Variants in ANO3 observed in about 807,000 individuals in gnomAD.
ANO3 encodes the protein anoctamin-3.
ANO3 carries 99 observed loss-of-function variants against 144.8 expected under a neutral mutation model. That is an observed-to-expected ratio of 0.68 (90% CI 0.58 to 0.81). The LOEUF (loss-of-function observed/expected upper bound fraction) is 0.81, where lower values mean the gene tolerates loss of function less well. ANO3 is among the 30% of genes least tolerant of loss of function. The pLI is 0.00. For synonymous variants in ANO3, 414 were observed against 392.6 expected, an observed-to-expected ratio of 1.05 and a Z score of -0.64; for missense variants, 905 against 1,202.2, an observed-to-expected ratio of 0.75 and a Z score of 3.66.
intron 14 of ANO3, among the ~76,000 whole-genome samples, chr11:26,590,117 C>T (rs181574762): frequency 6.6e-6 from 1 of 152,230 alleles, no homozygotes; most frequent in African/African-American, 2.4e-5. Context: ...AAGGATACAA[C>T]GTTTAGAACC....
intron 5 of ANO3, among the ~76,000 whole-genome samples, chr11:26,509,823 C>T (rs1260739038): frequency 6.6e-6 from 1 of 152,104 alleles, no homozygotes; most frequent in East Asian, 1.9e-4. Context: ...AAGTACTAAA[C>T]TGTAGTTTGG....
At chr11:26,258,293 T>C (rs906842549) in intron 1 of ANO3, among the ~76,000 whole-genome samples, 14 of 152,158 alleles carry the variant, frequency 9.2e-5, no homozygotes, top group African/African-American at 3.4e-4. Context: ...TTAACAGTCT[T>C]ATTGAACAAA....
At chr11:26,603,594 GTTAT>G (rs1168380387) in intron 17 of ANO3, among the ~76,000 whole-genome samples, 1 of 152,032 alleles carries the variant, frequency 6.6e-6, no homozygotes, top group African/African-American at 2.4e-5. Context: ...CTCTTTGAAT[GTTAT>G]TTAAGAACAT....
intron 10 of ANO3, among the ~76,000 whole-genome samples, chr11:26,540,787 C>T (rs1849622831): frequency 6.6e-6 from 1 of 152,074 alleles, no homozygotes; most frequent in Admixed American, 6.6e-5. Context: ...ATTAAAAAGT[C>T]AGGAAACAAC....
chr11:26,235,084 A>G (rs1344237215), intron 1 of ANO3, among the ~76,000 whole-genome samples: 2 of 151,662 alleles, frequency 1.3e-5, no homozygotes. Flanking sequence ...TGTTGGGGCC[A>G]GCAATGGATT....
chr11:26,276,313 G>A (rs939345460), intron 1 of ANO3, among the ~76,000 whole-genome samples: 18 of 152,098 alleles, frequency 1.2e-4, no homozygotes, highest in African/African-American at 4.1e-4. Context: ...GAAGATCTGG[G>A]AAAGAACTCA....
intron 4 of ANO3, among the ~76,000 whole-genome samples, chr11:26,468,003 T>C (rs529699449): frequency 6.6e-6 from 1 of 152,008 alleles, no homozygotes; most frequent in South Asian, 2.1e-4. Flanking sequence ...TTCATGAATA[T>C]GGAGAACACT....
chr11:26,344,250 T>C (rs1280587743), intron 1 of ANO3, among the ~76,000 whole-genome samples: 3 of 152,204 alleles, frequency 2.0e-5, no homozygotes, highest in African/African-American at 7.2e-5. Context: ...TTTCACCATT[T>C]TTTATGCATC....
chr11:26,223,611 A>C (rs1306180872), intron 1 of ANO3, among the ~76,000 whole-genome samples: 1 of 150,620 alleles, frequency 6.6e-6, no homozygotes, highest in Non-Finnish European at 1.5e-5. Context: ...ATAAAAAAAA[A>C]AAAAAAAAAA....
At chr11:26,360,702 T>A (rs1025037728) in intron 1 of ANO3, among the ~76,000 whole-genome samples, 1 of 152,216 alleles carries the variant, frequency 6.6e-6, no homozygotes, top group African/African-American at 2.4e-5. Flanking sequence ...CCTCTCTGCA[T>A]GTTTTTATTC....
In ANO3 at chr11:26,541,062, A is replaced by C. The variant is rs187911749; in HGVS notation, c.1033-885A>C. Reference sequence around the variant, plus strand: ...GAACCAATCCAAATGCCCATCAATGATAGACTGGATAAAGAAAATGTGACA... The same window carrying C: ...GAACCAATCCAAATGCCCATCAATGCTAGACTGGATAAAGAAAATGTGACA... On this transcript the variant is annotated intron_variant, in intron 10 of 26. Coordinates refer to ENST00000256737, the MANE Select transcript of ANO3 (RefSeq NM_031418.4). Among the ~76,000 whole-genome samples the C allele has an allele frequency of 1.1e-3, 175 of 152,308 alleles. 1 individual carries two copies. In the East Asian group the frequency reaches 0.032, roughly 28 times the overall value.
At chr11:26,209,481 T>A (rs1040550723) in intron 1 of ANO3, among the ~76,000 whole-genome samples, 1 of 152,232 alleles carries the variant, frequency 6.6e-6, no homozygotes, top group Non-Finnish European at 1.5e-5. Flanking sequence ...TATAGTAGAA[T>A]GATTTATGAT....
intron 1 of ANO3, among the ~76,000 whole-genome samples, chr11:26,310,840 A>G (rs1854487495): frequency 1.3e-5 from 2 of 152,226 alleles, no homozygotes; most frequent in Admixed American, 1.3e-4. Context: ...CCAAAGTCAG[A>G]TTTCGGAGAC....
At chr11:26,611,370 T>A (rs1026639311) in intron 17 of ANO3, among the ~76,000 whole-genome samples, 1 of 152,184 alleles carries the variant, frequency 6.6e-6, no homozygotes, top group Non-Finnish European at 1.5e-5. Context: ...TTCATTGAAT[T>A]ATTCGTTATT....
chr11:26,639,439 A>G (rs1400466598), intron 21 of ANO3, among the ~76,000 whole-genome samples, 198 bp downstream of exon 21: 1 of 152,218 alleles, frequency 6.6e-6, no homozygotes, highest in African/African-American at 2.4e-5. Context: ...TGTATCAACA[A>G]TATATCTACC....
At position 26,525,672 on chromosome 11, in the gene ANO3, A is replaced by G. The variant is rs774120335; in HGVS notation, c.730A>G (p.Met244Val). ...TTACACTGACGGGAGGAGCAAATCA[A>G]TGGGCAGGTTGGTGGGTGATGAATC... ...CYYTDGRSKS[M>V]GRMQTYFRRI... is the part of the protein sequence containing the mutation. Residue 244 changes from methionine to valine, a missense_variant, in exon 7 of 27, where the codon ATG becomes GTG. Met to Val is a conservative substitution (Grantham distance 21, BLOSUM62 1). Transcript: ENST00000256737. The G allele has an allele frequency of 3.7e-6, 6 of 1,610,222 alleles. No homozygotes were observed. The highest frequency in any genetic ancestry group is 4.5e-5 in the East Asian group (2 of 44,654).
chr11:26,634,264 A>G lies in ANO3; in HGVS notation c.1934A>G (p.Gln645Arg). ...NSFALKMFLFQFVNLNSSIFY... is the reference protein window; with the variant it reads ...NSFALKMFLFRFVNLNSSIFY... ...TTCGCCCTGAAGATGTTCCTCTTCC[A>G]GTTTGTCAATTTAAACAGTTCCATC... Residue 645 changes from glutamine to arginine, a missense_variant, in exon 19 of 27, where the codon CAG (glutamine) becomes CGG (arginine). Gln to Arg is a conservative substitution (Grantham distance 43). Transcript: ENST00000256737. 1 of 1,613,886 alleles carries G rather than the reference A, an allele frequency of 6.2e-7. No individual in the cohort carries two copies. Among genetic ancestry groups the G allele is most frequent in the Non-Finnish European group, 8.5e-7 (1 of 1,179,908 alleles).
At chr11:26,326,602 A>C (rs1854889834) in intron 1 of ANO3, among the ~76,000 whole-genome samples, 1 of 152,194 alleles carries the variant, frequency 6.6e-6, no homozygotes, top group South Asian at 2.1e-4. Context: ...GTTCAAATAG[A>C]GACCACACTG....
At chr11:26,355,148 C>T (rs1444468015) in intron 1 of ANO3, among the ~76,000 whole-genome samples, 3 of 151,940 alleles carry the variant, frequency 2.0e-5, no homozygotes, top group Non-Finnish European at 4.4e-5. Flanking sequence ...TGTATTAGGG[C>T]TCTTTTCTTG....
Sources: gnomAD v4.1 joint callset for allele counts (sites outside exome capture counted in the v4.1 genomes callset) on GRCh38, gnomAD v4.1.1 for gene constraint, MANE v1.5 for transcripts, NCBI Gene and HGNC (gene_info 2026-07-23, HGNC 2026-07-21) for gene names.